The following CDH12 variants were observed in gnomAD, a reference collection of about 807,000 sequenced individuals.
CDH12 encodes cadherin-12.
A neutral mutation model predicts 74.1 loss-of-function variants in CDH12; 41 were observed. That is an observed-to-expected ratio of 0.55 (90% CI 0.43 to 0.72). CDH12 has a LOEUF of 0.72. CDH12 is among the 30% of genes least tolerant of loss of function. The pLI, the probability that CDH12 is intolerant of heterozygous loss-of-function variation, is 0.00. For missense variants in CDH12, 945 were observed against 977.2 expected, an observed-to-expected ratio of 0.97 and a Z score of 0.44; for synonymous variants, 399 against 355.0, an observed-to-expected ratio of 1.12 and a Z score of -1.39.
chr5:22,526,926 C>G (rs949099059), intron 1 of CDH12, among the ~76,000 whole-genome samples: 1 of 152,102 alleles, frequency 6.6e-6, no homozygotes, highest in South Asian at 2.1e-4. Context: ...CATTTCCCAC[C>G]TGGGGAAATT....
intron 6 of CDH12, among the ~76,000 whole-genome samples, chr5:21,958,434 AT>A (rs1344395955): frequency 6.6e-6 from 1 of 152,114 alleles, no homozygotes; most frequent in Admixed American, 6.6e-5. Context: ...TGTGTTTTGC[AT>A]TTAAGTGTTT....
intron 5 of CDH12, among the ~76,000 whole-genome samples, chr5:22,046,391 T>C (rs1365888162): frequency 6.6e-6 from 1 of 151,162 alleles, no homozygotes; most frequent in East Asian, 1.9e-4. Context: ...TAATAGCTAC[T>C]ACCTTTATAA....
chr5:22,517,132 A>C (rs1367605134), intron 1 of CDH12, among the ~76,000 whole-genome samples: 1 of 152,110 alleles, frequency 6.6e-6, no homozygotes, highest in Non-Finnish European at 1.5e-5. Context: ...ACAGACCAGC[A>C]GAGGAAAGAT....
chr5:22,827,247 G>A (rs554903126), intron 1 of CDH12, among the ~76,000 whole-genome samples: 1 of 152,308 alleles, frequency 6.6e-6, no homozygotes, highest in Non-Finnish European at 1.5e-5. Flanking sequence ...TTGAGCCTGC[G>A]AGTACACAGA....
At chr5:22,595,557 T>C (rs930835093) in intron 1 of CDH12, among the ~76,000 whole-genome samples, 1 of 152,210 alleles carries the variant, frequency 6.6e-6, no homozygotes, top group African/African-American at 2.4e-5. Flanking sequence ...TCATATTCAC[T>C]GTAAATTTTT....
chr5:22,755,207 A>C (rs1172485336), intron 1 of CDH12, among the ~76,000 whole-genome samples: 1 of 152,186 alleles, frequency 6.6e-6, no homozygotes, highest in Non-Finnish European at 1.5e-5. Context: ...CTGAAATCAA[A>C]GTATTCTAAT....
intron 5 of CDH12, among the ~76,000 whole-genome samples, chr5:21,979,996 G>A (rs1276569338): frequency 3.3e-5 from 5 of 151,396 alleles, no homozygotes; most frequent in Non-Finnish European, 7.4e-5. Flanking sequence ...GTGTGAGATG[G>A]TATCTCATAG....
At chr5:22,679,076 ATT>A (rs1241109277) in intron 1 of CDH12, among the ~76,000 whole-genome samples, 1 of 152,142 alleles carries the variant, frequency 6.6e-6, no homozygotes, top group Non-Finnish European at 1.5e-5. Flanking sequence ...GCATGTTGCA[ATT>A]AAAATTCATA....
At chr5:22,397,139 G>A (rs1312360334) in intron 3 of CDH12, among the ~76,000 whole-genome samples, 1 of 152,046 alleles carries the variant, frequency 6.6e-6, no homozygotes, top group African/African-American at 2.4e-5. Flanking sequence ...CTGTTATTAA[G>A]ATGTAGCCGG....
chr5:22,062,717 G>A (rs540746336), intron 5 of CDH12, among the ~76,000 whole-genome samples: 1 of 152,248 alleles, frequency 6.6e-6, no homozygotes, highest in South Asian at 2.1e-4. Flanking sequence ...CATGAGGTTC[G>A]AAATAATCAA....
In CDH12 at chr5:22,611,619, T is replaced by G. The variant is rs575925066; in HGVS notation, c.-522-106255A>C. On this transcript the variant is annotated intron_variant, in intron 1 of 14. Coordinates refer to ENST00000382254, the MANE Select transcript of CDH12 (RefSeq NM_004061.5). ...AGAGAGCAGTAACCAGAAACCAGAG[T>G]ATTATTCATATAGAGATGGTGCTAT... Among the ~76,000 whole-genome samples the G allele has an allele frequency of 9.2e-5, 14 of 152,156 alleles. No individual in the cohort carries two copies. In the South Asian group the frequency reaches 2.9e-3, roughly 32 times the overall value.
At chr5:22,801,559 T>C (rs1451014583) in intron 1 of CDH12, among the ~76,000 whole-genome samples, 3 of 149,822 alleles carry the variant, frequency 2.0e-5, no homozygotes, top group African/African-American at 7.3e-5. Context: ...ATAATGCTTC[T>C]ATTTTTAATC....
intron 1 of CDH12, among the ~76,000 whole-genome samples, chr5:22,511,943 G>T (rs576138922): frequency 5.5e-4 from 83 of 149,968 alleles, no homozygotes; most frequent in African/African-American, 2.1e-3. Context: ...TTGTGTGTGT[G>T]TGTGTGTGTG....
chr5:22,195,084 T>C (rs1750545044), intron 4 of CDH12, among the ~76,000 whole-genome samples: 1 of 152,238 alleles, frequency 6.6e-6, no homozygotes, highest in South Asian at 2.1e-4. Context: ...CCATAGGTTC[T>C]TGATAAAAGT....
chr5:22,647,533 A>T (rs575630320), intron 1 of CDH12, among the ~76,000 whole-genome samples: 16 of 151,656 alleles, frequency 1.1e-4, no homozygotes, highest in African/African-American at 3.9e-4. Context: ...CTTATAGGTG[A>T]TTTCCTTCTC....
At chr5:22,207,057 CA>C (rs1177658403) in intron 4 of CDH12, among the ~76,000 whole-genome samples, 264 of 139,246 alleles carry the variant, frequency 1.9e-3, no homozygotes, top group Admixed American at 3.8e-3. Context: ...ACTAAAAATA[CA>C]AAAAAAAAAA....
intron 4 of CDH12, among the ~76,000 whole-genome samples, chr5:22,089,905 C>T (rs1464395824): frequency 6.6e-6 from 1 of 151,766 alleles, no homozygotes; most frequent in Admixed American, 6.6e-5. Context: ...ATGTATGTAA[C>T]AAAGCAGTGA....
At chr5:22,303,193 C>T (rs1737964116) in intron 3 of CDH12, among the ~76,000 whole-genome samples, 1 of 151,956 alleles carries the variant, frequency 6.6e-6, no homozygotes, top group Non-Finnish European at 1.5e-5. Flanking sequence ...TATGAAAGGA[C>T]GTGTTTTAAA....
At chr5:22,766,070 A>G (rs1050968489) in intron 1 of CDH12, among the ~76,000 whole-genome samples, 3 of 152,010 alleles carry the variant, frequency 2.0e-5, no homozygotes, top group African/African-American at 7.2e-5. Flanking sequence ...GAAAATCATG[A>G]GGATACAATT....
Sources: allele counts gnomAD v4.1 joint callset (sites outside exome capture counted in the v4.1 genomes callset), GRCh38; gene constraint gnomAD v4.1.1; transcripts MANE v1.5; gene names NCBI Gene and HGNC (gene_info 2026-07-23, HGNC 2026-07-21).